Variants in KCNIP4 observed in about 807,000 individuals in gnomAD.
The protein encoded by KCNIP4 is Kv channel-interacting protein 4.
In KCNIP4, 12 loss-of-function variants were observed where a neutral mutation model predicts 34.0. That is an observed-to-expected ratio of 0.35 (90% CI 0.23 to 0.57). The LOEUF is 0.57. Among genes scored for constraint, KCNIP4 ranks in the 20% least tolerant of loss-of-function variants. The pLI, the probability that KCNIP4 is intolerant of heterozygous loss-of-function variation, is 0.83. For missense variants in KCNIP4, 238 were observed against 311.7 expected, an observed-to-expected ratio of 0.76 and a Z score of 1.78; for synonymous variants, 124 against 102.2, an observed-to-expected ratio of 1.21 and a Z score of -1.29.
intron 1 of KCNIP4, among the ~76,000 whole-genome samples, chr4:21,775,763 TG>T (rs996575213): frequency 6.6e-6 from 1 of 152,210 alleles, no homozygotes; most frequent in Non-Finnish European, 1.5e-5. Context: ...TGTTGGGCTG[TG>T]GGGACAAGCC....
intron 6 of KCNIP4, 38 bp downstream of exon 6, chr4:20,734,590 G>C: frequency 1.1e-6 from 1 of 921,886 alleles, no homozygotes; most frequent in Non-Finnish European, 1.6e-6. Flanking sequence ...AAATGAAAAT[G>C]GTCCAAATTA....
intron 1 of KCNIP4, among the ~76,000 whole-genome samples, chr4:21,364,058 G>T (rs987808491): frequency 5.3e-5 from 8 of 152,100 alleles, no homozygotes; most frequent in African/African-American, 1.9e-4. Context: ...GAAAATGTGA[G>T]CCTCATAAGT....
chr4:21,628,223 C>T (rs1481113960), intron 1 of KCNIP4, among the ~76,000 whole-genome samples: 1 of 152,112 alleles, frequency 6.6e-6, no homozygotes, highest in Non-Finnish European at 1.5e-5. Context: ...TCTTTACCTC[C>T]TCCAAAATTC....
chr4:21,002,594 G>A (rs548682377), intron 1 of KCNIP4, among the ~76,000 whole-genome samples: 2 of 152,294 alleles, frequency 1.3e-5, no homozygotes, highest in South Asian at 2.1e-4. Context: ...AATGCTGTTC[G>A]AAGTGTGGCA....
chr4:20,958,312 C>T (rs1733512813), intron 1 of KCNIP4, among the ~76,000 whole-genome samples: 2 of 152,202 alleles, frequency 1.3e-5, no homozygotes, highest in African/African-American at 4.8e-5. Flanking sequence ...TACCACTGTA[C>T]TTATTCCTTC....
At chr4:20,933,197 T>C (rs907386317) in intron 1 of KCNIP4, among the ~76,000 whole-genome samples, 16 of 152,132 alleles carry the variant, frequency 1.1e-4, no homozygotes, top group Admixed American at 3.9e-4. Flanking sequence ...TGAGCTGAGA[T>C]CATGCCATTG....
intron 1 of KCNIP4, among the ~76,000 whole-genome samples, chr4:20,959,240 A>T (rs1170290090): frequency 1.3e-5 from 2 of 152,220 alleles, no homozygotes; most frequent in African/African-American, 4.8e-5. Flanking sequence ...TAGCCAAAAT[A>T]AATGACTGTA....
At chr4:21,256,266 G>A (rs1170937727) in intron 1 of KCNIP4, among the ~76,000 whole-genome samples, 1 of 152,118 alleles carries the variant, frequency 6.6e-6, no homozygotes, top group African/African-American at 2.4e-5. Context: ...CAAACGGGCA[G>A]AAAGGAAGCC....
chr4:21,213,380 C>T (rs1023413303), intron 1 of KCNIP4, among the ~76,000 whole-genome samples: 1 of 152,112 alleles, frequency 6.6e-6, no homozygotes. Flanking sequence ...TGGCTCACTG[C>T]AACCTCTGCC....
intron 1 of KCNIP4, among the ~76,000 whole-genome samples, chr4:21,732,825 A>G (rs1170023898): frequency 6.6e-6 from 1 of 152,230 alleles, no homozygotes; most frequent in Non-Finnish European, 1.5e-5. Flanking sequence ...TCCAAATCAT[A>G]TAAAGGTAAA....
chr4:21,425,796 T>G (rs1175508905), intron 1 of KCNIP4, among the ~76,000 whole-genome samples: 1 of 152,160 alleles, frequency 6.6e-6, no homozygotes, highest in East Asian at 1.9e-4. Flanking sequence ...CCGTCTGTAA[T>G]CCCAGCACTT....
intron 5 of KCNIP4, among the ~76,000 whole-genome samples, chr4:20,739,077 G>C (rs544492694): frequency 1.3e-4 from 19 of 151,972 alleles, no homozygotes; most frequent in African/African-American, 4.6e-4. Flanking sequence ...ACTAGGTAAA[G>C]CAGCCAGGAA....
chr4:21,721,767 A>ACT (rs879666656), intron 1 of KCNIP4, among the ~76,000 whole-genome samples: 16 of 152,352 alleles, frequency 1.1e-4, no homozygotes, highest in Non-Finnish European at 2.2e-4. Context: ...ACATCAATAA[A>ACT]ACATGGTTGT....
At chr4:21,555,272 C>T (rs553425094) in intron 1 of KCNIP4, among the ~76,000 whole-genome samples, 6 of 152,182 alleles carry the variant, frequency 3.9e-5, no homozygotes, top group Admixed American at 2.0e-4. Flanking sequence ...TGCTTTCTTC[C>T]GTAACTGTGA....
At chr4:21,555,625 G>GA (rs200499702) in intron 1 of KCNIP4, among the ~76,000 whole-genome samples, 2 of 151,648 alleles carry the variant, frequency 1.3e-5, no homozygotes, top group East Asian at 3.9e-4. Flanking sequence ...ATATGAAATA[G>GA]AAAAAAAATA....
At chr4:21,945,763 T>G (rs919832777) in intron 1 of KCNIP4, among the ~76,000 whole-genome samples, 7 of 151,902 alleles carry the variant, frequency 4.6e-5, no homozygotes, top group Non-Finnish European at 2.9e-5. Context: ...GTCTCTCCAC[T>G]GTTAGCAGGA....
At chr4:20,855,538 A>T (rs188502781) in intron 2 of KCNIP4, among the ~76,000 whole-genome samples, 3 of 152,048 alleles carry the variant, frequency 2.0e-5, no homozygotes, top group African/African-American at 7.2e-5. Flanking sequence ...TCTTGCTAAC[A>T]TCTGTTCCTC....
chr4:21,037,694 T>C (rs1477381289), intron 1 of KCNIP4, among the ~76,000 whole-genome samples: 1 of 152,210 alleles, frequency 6.6e-6, no homozygotes, highest in Non-Finnish European at 1.5e-5. Flanking sequence ...CGGTCTTTGC[T>C]AGAAACAAAT....
At chr4:20,830,669 A>G (rs941151101) in intron 3 of KCNIP4, among the ~76,000 whole-genome samples, 1 of 152,230 alleles carries the variant, frequency 6.6e-6, no homozygotes, top group African/African-American at 2.4e-5. Flanking sequence ...GTCTATAGCA[A>G]TAATACAGAA....
Sources: gnomAD v4.1 joint callset for allele counts (sites outside exome capture counted in the v4.1 genomes callset) on GRCh38, gnomAD v4.1.1 for gene constraint, MANE v1.5 for transcripts, NCBI Gene and HGNC (gene_info 2026-07-23, HGNC 2026-07-21) for gene names.